Variants in CSMD1 observed in about 807,000 individuals in gnomAD.
CSMD1 encodes the protein CUB and Sushi multiple domains 1.
Under a neutral mutation model 417.5 loss-of-function variants are expected in CSMD1, and 213 were observed. That is an observed-to-expected ratio of 0.51 (90% CI 0.46 to 0.57). The LOEUF (loss-of-function observed/expected upper bound fraction) is 0.57, where lower values mean the gene tolerates loss of function less well. Ranked by LOEUF, CSMD1 falls within the 20% of genes least tolerant of loss-of-function variation. The probability of loss-of-function intolerance (pLI) is 0.00; values close to 1 mark genes in which losing one functional copy is unlikely to be tolerated. For synonymous variants in CSMD1, 2,862 were observed against 1,736.8 expected, an observed-to-expected ratio of 1.65 and a Z score of -16.11; for missense variants, 6,923 against 4,529.7, an observed-to-expected ratio of 1.53 and a Z score of -15.17.
intron 2 of CSMD1, among the ~76,000 whole-genome samples, chr8:4,444,410 G>T (rs562693007): frequency 2.1e-5 from 3 of 145,968 alleles, no homozygotes; most frequent in African/African-American, 7.6e-5. Flanking sequence ...TGCTGAATGT[G>T]GTGCTCAAAA....
At chr8:3,286,374 C>T (rs377715270) in intron 25 of CSMD1, among the ~76,000 whole-genome samples, 210 of 152,024 alleles carry the variant, frequency 1.4e-3, no homozygotes, top group African/African-American at 4.4e-3. Flanking sequence ...ATGGTATTTC[C>T]AGTTCTAGAT....
At chr8:4,028,907 C>G (rs921578910) in intron 4 of CSMD1, among the ~76,000 whole-genome samples, 2 of 152,088 alleles carry the variant, frequency 1.3e-5, no homozygotes, top group Non-Finnish European at 2.9e-5. Flanking sequence ...GAAGTATGCT[C>G]TTTTCTAAAG....
intron 3 of CSMD1, among the ~76,000 whole-genome samples, chr8:4,055,436 T>G (rs1168657809): frequency 6.6e-6 from 1 of 151,836 alleles, no homozygotes; most frequent in East Asian, 1.9e-4. Flanking sequence ...CAAAATCAGA[T>G]CAGCATTTTG....
chr8:4,589,035 G>A (rs1029565242), intron 2 of CSMD1, among the ~76,000 whole-genome samples: 5 of 151,950 alleles, frequency 3.3e-5, no homozygotes, highest in Middle Eastern at 3.4e-3. Flanking sequence ...TGTACTACAT[G>A]CACATTATAT....
intron 4 of CSMD1, among the ~76,000 whole-genome samples, chr8:4,008,438 A>G (rs1454938467): frequency 6.6e-6 from 1 of 151,674 alleles, no homozygotes; most frequent in Non-Finnish European, 1.5e-5. Flanking sequence ...GGAATCTGAA[A>G]TTTGGTGACA....
chr8:4,935,284 T>G (rs1161236482), intron 1 of CSMD1, among the ~76,000 whole-genome samples: 1 of 152,218 alleles, frequency 6.6e-6, no homozygotes, highest in Non-Finnish European at 1.5e-5. Context: ...CCTGAAATTG[T>G]TCCCCATGAC....
At chr8:3,594,145 G>T (rs1490682857) in intron 8 of CSMD1, among the ~76,000 whole-genome samples, 1 of 151,990 alleles carries the variant, frequency 6.6e-6, no homozygotes, top group Non-Finnish European at 1.5e-5. Context: ...CTTTTCCATG[G>T]GCCTCTGCTA....
chr8:4,051,168 G>A (rs1267634731), intron 3 of CSMD1, among the ~76,000 whole-genome samples: 1 of 152,026 alleles, frequency 6.6e-6, no homozygotes, highest in Non-Finnish European at 1.5e-5. Context: ...AGCAGAAATG[G>A]CAGCACAATC....
intron 1 of CSMD1, among the ~76,000 whole-genome samples, chr8:4,930,026 G>T (rs1563794326): frequency 6.6e-6 from 1 of 152,256 alleles, no homozygotes; most frequent in Non-Finnish European, 1.5e-5. Flanking sequence ...AATGAAGAAA[G>T]GAACAGGGGT....
At chr8:3,224,379 C>T (rs1440711086) in intron 27 of CSMD1, among the ~76,000 whole-genome samples, 1 of 152,124 alleles carries the variant, frequency 6.6e-6, no homozygotes, top group East Asian at 1.9e-4. Flanking sequence ...TTGTTTTATC[C>T]CAAACGTCTA....
In CSMD1 at chr8:4,638,094, A is replaced by C. The variant is rs183984724; in HGVS notation, c.86-536T>G. 3.9e-3 allele frequency among the ~76,000 whole-genome samples: 590 copies of C among 152,314 alleles called. 6 individuals carry two copies. The highest frequency in any genetic ancestry group is 0.013 in the African/African-American group (557 of 41,576). ...AGAAAATATGCAACATTTTGTAACT[A>C]ATATTAGAAGTTTAGGGAAGTTCTT... On this transcript the variant is annotated intron_variant, in intron 1 of 69. Transcript: ENST00000635120.
chr8:4,480,106 A>G (rs1801012949), intron 2 of CSMD1, among the ~76,000 whole-genome samples: 1 of 151,736 alleles, frequency 6.6e-6, no homozygotes, highest in African/African-American at 2.4e-5. Flanking sequence ...ACCAGTTAAA[A>G]GGAACTTTGT....
chr8:3,244,071 A>G (rs1453174961), intron 26 of CSMD1, among the ~76,000 whole-genome samples: 1 of 152,194 alleles, frequency 6.6e-6, no homozygotes, highest in African/African-American at 2.4e-5. Context: ...ATACCAATAT[A>G]CAGAAGCAGT....
chr8:3,069,773 G>T (rs964033670), intron 49 of CSMD1, among the ~76,000 whole-genome samples: 1 of 152,176 alleles, frequency 6.6e-6, no homozygotes, highest in African/African-American at 2.4e-5. Context: ...TGCCCCATTG[G>T]AGACTCTGCA....
intron 5 of CSMD1, among the ~76,000 whole-genome samples, chr8:3,924,425 A>T (rs1460152988): frequency 6.6e-6 from 1 of 152,126 alleles, no homozygotes; most frequent in Non-Finnish European, 1.5e-5. Flanking sequence ...CCAGATTTGG[A>T]AAGCTTTTGT....
At chr8:3,150,700 G>GA (rs1175393882) in intron 40 of CSMD1, among the ~76,000 whole-genome samples, 2 of 152,086 alleles carry the variant, frequency 1.3e-5, no homozygotes, top group African/African-American at 2.4e-5. Context: ...GTGCTGTAGA[G>GA]AAAATCACAA....
chr8:3,426,250 T>C (rs1166959648), intron 12 of CSMD1, among the ~76,000 whole-genome samples: 1 of 152,196 alleles, frequency 6.6e-6, no homozygotes, highest in Admixed American at 6.5e-5. Context: ...CTCCTAAACG[T>C]TCCATCCTGC....
At chr8:2,980,602 T>C (rs1805324035) in intron 54 of CSMD1, among the ~76,000 whole-genome samples, 1 of 150,890 alleles carries the variant, frequency 6.6e-6, no homozygotes, top group South Asian at 2.1e-4. Context: ...CACACCCTTC[T>C]CCTTGCAGGC....
chr8:3,671,897 T>A (rs1056785377), intron 7 of CSMD1, among the ~76,000 whole-genome samples: 1 of 152,072 alleles, frequency 6.6e-6, no homozygotes, highest in Admixed American at 6.6e-5. Context: ...CCCACCCTCA[T>A]TTCCTCTGTC....
Sources: allele counts gnomAD v4.1 joint callset (sites outside exome capture counted in the v4.1 genomes callset), GRCh38; gene constraint gnomAD v4.1.1; transcripts MANE v1.5; gene names NCBI Gene and HGNC (gene_info 2026-07-23, HGNC 2026-07-21).